Variants in SCAPER observed in about 807,000 individuals in gnomAD.
The protein encoded by SCAPER is S-phase cyclin A associated protein in the ER, also known as S phase cyclin A-associated protein in the endoplasmic reticulum.
In SCAPER, 98 loss-of-function variants were observed where a neutral mutation model predicts 182.2. The observed-to-expected ratio is 0.54, with a 90% CI of 0.46 to 0.64. The LOEUF is 0.64. SCAPER is among the 30% of genes least tolerant of loss of function. SCAPER has a pLI of 0.00. For synonymous variants in SCAPER, 605 were observed against 564.6 expected, an observed-to-expected ratio of 1.07 and a Z score of -1.01; for missense variants, 1,432 against 1,690.0, an observed-to-expected ratio of 0.85 and a Z score of 2.68.
chr15:76,380,007 T>C (rs541819305), intron 28 of SCAPER: 4 of 152,356 alleles, frequency 2.6e-5, no homozygotes, highest in African/African-American at 9.6e-5. Context: ...GAGACAGTTT[T>C]TAGATATTTG....
intron 20 of SCAPER, among the ~76,000 whole-genome samples, chr15:76,696,085 A>C (rs2058643597): frequency 6.6e-6 from 1 of 152,216 alleles, no homozygotes; most frequent in Non-Finnish European, 1.5e-5. Context: ...ATAAAATGAC[A>C]GTGAATACTT....
chr15:76,830,733 G>C (rs2068394799), intron 5 of SCAPER, among the ~76,000 whole-genome samples: 1 of 152,016 alleles, frequency 6.6e-6, no homozygotes, highest in African/African-American at 2.4e-5. Context: ...TTGTGAGACA[G>C]AAGAGCCAAA....
intron 5 of SCAPER, among the ~76,000 whole-genome samples, chr15:76,817,130 G>A (rs983072234): frequency 6.6e-6 from 1 of 152,198 alleles, no homozygotes; most frequent in Admixed American, 6.6e-5. Flanking sequence ...TAGGTGACAA[G>A]AATCTTTCTG....
intron 25 of SCAPER, among the ~76,000 whole-genome samples, chr15:76,443,298 G>A (rs922001091): frequency 1.3e-5 from 2 of 152,216 alleles, no homozygotes; most frequent in African/African-American, 2.4e-5. Context: ...CATGTCTGAA[G>A]AGGCTCTAGT....
At chr15:76,498,935 C>T in intron 24 of SCAPER, among the ~76,000 whole-genome samples, 1 of 152,084 alleles carries the variant, frequency 6.6e-6, no homozygotes, top group East Asian at 1.9e-4. Flanking sequence ...AATGCATATA[C>T]TGTAAAGAAA....
chr15:76,460,728 C>T (rs527678130), intron 25 of SCAPER, among the ~76,000 whole-genome samples: 1 of 152,260 alleles, frequency 6.6e-6, no homozygotes, highest in South Asian at 2.1e-4. Context: ...CTTCAGACTA[C>T]ATTAATTCCT....
chr15:76,613,725 T>C (rs559676988), intron 22 of SCAPER, among the ~76,000 whole-genome samples: 1 of 152,266 alleles, frequency 6.6e-6, no homozygotes, highest in East Asian at 1.9e-4. Context: ...GTCATACCAG[T>C]TAAAATGGCT....
At chr15:76,693,963 A>G (rs1283109278) in intron 20 of SCAPER, among the ~76,000 whole-genome samples, 1 of 152,122 alleles carries the variant, frequency 6.6e-6, no homozygotes, top group Non-Finnish European at 1.5e-5. Flanking sequence ...ACTATAATAT[A>G]TACTTAAAAA....
rs2063669431 is a variant in SCAPER at position 76,775,074 on chromosome 15, C to T, written c.816G>A (p.Arg272=). The change falls in exon 9 of 32, where the codon AGG becomes AGA. Residue 272 remains arginine, a synonymous_variant. Coordinates refer to ENST00000563290, the MANE Select transcript of SCAPER (RefSeq NM_020843.4). The part of the protein sequence containing the change: ...AEGWETVQRG[R]PIRSRSTAVM... Reference sequence around the variant, plus strand: ...CTGCTGTTGATCGAGAACGAATAGGCCTTCCTCTCTGAACGGTCTCCCATC... The same window carrying T: ...CTGCTGTTGATCGAGAACGAATAGGTCTTCCTCTCTGAACGGTCTCCCATC... 6.2e-7 allele frequency: 1 copy of T among 1,613,514 alleles called. No individual in the cohort carries two copies. The highest frequency in any genetic ancestry group is 8.5e-7 in the Non-Finnish European group (1 of 1,179,722).
intron 14 of SCAPER, among the ~76,000 whole-genome samples, chr15:76,755,511 A>G (rs1191417259): frequency 2.0e-5 from 3 of 152,204 alleles, no homozygotes; most frequent in African/African-American, 7.2e-5. Flanking sequence ...GAAGGTAACG[A>G]AAGAGTTCAC....
At chr15:76,496,286 A>G (rs1319116680) in intron 24 of SCAPER, among the ~76,000 whole-genome samples, 1 of 151,932 alleles carries the variant, frequency 6.6e-6, no homozygotes. Context: ...CTGAGAGAGT[A>G]GGGTCTGAAG....
intron 5 of SCAPER, 61 bp downstream of exon 5, chr15:76,841,673 T>C (rs755974946): frequency 1.3e-6 from 2 of 1,532,818 alleles, no homozygotes; most frequent in African/African-American, 1.4e-5. Flanking sequence ...TCAAGTCACA[T>C]GTAGCAAAAA....
intron 25 of SCAPER, among the ~76,000 whole-genome samples, chr15:76,448,236 T>C (rs376675511): frequency 6.6e-6 from 1 of 152,122 alleles, no homozygotes; most frequent in Non-Finnish European, 1.5e-5. Flanking sequence ...CATCACAATA[T>C]GTAGGCTGCT....
chr15:76,853,043 T>G (rs896301829), intron 4 of SCAPER, among the ~76,000 whole-genome samples: 2 of 152,174 alleles, frequency 1.3e-5, no homozygotes, highest in East Asian at 3.8e-4. Flanking sequence ...GAAACCGCTA[T>G]GAACACCTCT....
chr15:76,772,217 A>G (rs1430969672), intron 9 of SCAPER, among the ~76,000 whole-genome samples: 1 of 151,988 alleles, frequency 6.6e-6, no homozygotes, highest in African/African-American at 2.4e-5. Flanking sequence ...TTATATTGTA[A>G]TTTTCTTGTA....
At chr15:76,809,294 G>A (rs2066416201) in intron 5 of SCAPER, among the ~76,000 whole-genome samples, 1 of 152,118 alleles carries the variant, frequency 6.6e-6, no homozygotes, top group Non-Finnish European at 1.5e-5. Context: ...TGATCCTAAT[G>A]AACTGCCAAT....
Position 76,381,518 on chromosome 15 carries a change from A to C in SCAPER, c.3565T>G (p.Cys1189Gly). The C allele has an allele frequency of 6.2e-7, 1 of 1,613,450 alleles. No homozygotes were observed. The highest frequency in any genetic ancestry group is 1.7e-5 in the Admixed American group (1 of 59,892). The change falls in exon 28 of 32, where the codon TGT becomes GGT. Residue 1189 changes from cysteine to glycine, a missense_variant. Transcript: ENST00000563290. ...AAGATGGTGCCATGGAAGAGGACAC[A>C]GTAGAGCATATGAAGAACTCCAGCC... The part of the protein sequence containing the change: ...DLAGVLHMLY[C>G]VLFHGTILDP...
chr15:76,652,702 T>A (rs1204693261), intron 21 of SCAPER, among the ~76,000 whole-genome samples: 1 of 147,884 alleles, frequency 6.8e-6, no homozygotes, highest in Non-Finnish European at 1.5e-5. Flanking sequence ...CAGAGGGAGA[T>A]TCTGTCTCAA....
intron 22 of SCAPER, among the ~76,000 whole-genome samples, chr15:76,584,390 T>A (rs1309405821): frequency 1.3e-5 from 2 of 152,174 alleles, no homozygotes; most frequent in African/African-American, 4.8e-5. Context: ...TATTGTACAT[T>A]TTTAAATAAC....
Sources: allele counts gnomAD v4.1 joint callset (sites outside exome capture counted in the v4.1 genomes callset), GRCh38; gene constraint gnomAD v4.1.1; transcripts MANE v1.5; gene names NCBI Gene and HGNC (gene_info 2026-07-23, HGNC 2026-07-21).